Variants in KRIT1 observed in about 807,000 individuals in gnomAD.
KRIT1 encodes the protein krev interaction trapped protein 1.
A neutral mutation model predicts 95.8 loss-of-function variants in KRIT1; 45 were observed. The observed-to-expected ratio is 0.47, with a 90% CI of 0.37 to 0.60. KRIT1 has a LOEUF of 0.60. KRIT1 is among the 20% of genes least tolerant of loss of function. The pLI is 0.00. For missense variants in KRIT1, 788 were observed against 877.5 expected, an observed-to-expected ratio of 0.90 and a Z score of 1.29; for synonymous variants, 282 against 278.8, an observed-to-expected ratio of 1.01 and a Z score of -0.11.
At chr7:92,243,629 AAAT>A (rs1391381561) in intron 3 of KRIT1, among the ~76,000 whole-genome samples, 1 of 152,172 alleles carries the variant, frequency 6.6e-6, no homozygotes, top group Non-Finnish European at 1.5e-5. Flanking sequence ...TCACTTCCCT[AAAT>A]AATAATTAAA....
intron 4 of KRIT1, 106 bp downstream of exon 4, chr7:92,241,928 T>C (rs1046640704): frequency 9.9e-6 from 7 of 705,008 alleles, no homozygotes; most frequent in African/African-American, 3.6e-5. Context: ...CCTAAAATAA[T>C]TGGCTTGTTA....
Position 92,200,516 on chromosome 7 carries a change from G to A in KRIT1, c.*220C>T, listed in dbSNP as rs181340604. On this transcript the variant is annotated 3_prime_UTR_variant, in exon 19 of 19. Coordinates refer to ENST00000394505, the MANE Select transcript of KRIT1 (RefSeq NM_194454.3). ...TTATAGGCGCCCGCCACCACACCCA[G>A]CTAATTTTTGTATTTTTGTAGAGAC... 6.0e-6 allele frequency: 3 copies of A among 500,598 alleles called. No homozygotes were observed. Among genetic ancestry groups the A allele is most frequent in the East Asian group, 7.7e-5 (2 of 26,060 alleles). The allele number at this position is 500,598 out of a possible 1,614,324, so 31.0% of individuals were successfully genotyped here.
Position 92,200,786 on chromosome 7 carries a change from G to T in KRIT1, c.2161C>A (p.Leu721Met). 1 of 1,606,414 alleles carries T rather than the reference G, an allele frequency of 6.2e-7. No individual in the cohort carries two copies. The highest frequency in any genetic ancestry group is 8.5e-7 in the Non-Finnish European group (1 of 1,173,132). The change falls in exon 19 of 19, where the codon CTG becomes ATG. Residue 721 changes from leucine (L) to methionine (M), a missense_variant. Transcript: ENST00000394505. ...AACTGTCCATTTAGCTTCATTAACA[G>T]TTTTACCACGAGACCAGCCTACAAA... ...HTKQAGLVVKLLMKLNGQLMP... is the reference protein window; with the variant it reads ...HTKQAGLVVKMLMKLNGQLMP...
chr7:92,225,398 C>G (rs887936823), intron 12 of KRIT1, among the ~76,000 whole-genome samples: 1 of 152,158 alleles, frequency 6.6e-6, no homozygotes, highest in African/African-American at 2.4e-5. Flanking sequence ...ACCTCCACCT[C>G]CTGGGTTCAA....
At chr7:92,239,564 C>T (rs1238310708) in intron 5 of KRIT1, among the ~76,000 whole-genome samples, 1 of 151,940 alleles carries the variant, frequency 6.6e-6, no homozygotes, top group Non-Finnish European at 1.5e-5. Context: ...GCCTTGATTC[C>T]CAAAAAAGGA....
chr7:92,233,827 TAAC>T (rs2131632802), intron 10 of KRIT1, among the ~76,000 whole-genome samples: 1 of 152,292 alleles, frequency 6.6e-6, no homozygotes, highest in Admixed American at 6.5e-5. Context: ...AGTAAACAGT[TAAC>T]TACTACTCTA....
intron 17 of KRIT1, among the ~76,000 whole-genome samples, chr7:92,212,916 G>C (rs1407292051): frequency 6.6e-6 from 1 of 152,118 alleles, no homozygotes; most frequent in African/African-American, 2.4e-5. Flanking sequence ...ATTACATATT[G>C]TTCAGCACCT....
chr7:92,221,069 C>CA (rs1260459600), intron 14 of KRIT1, among the ~76,000 whole-genome samples: 5 of 152,166 alleles, frequency 3.3e-5, no homozygotes, highest in Non-Finnish European at 7.4e-5. Flanking sequence ...CTTGTCTAGA[C>CA]AGACTTCTTT....
Position 92,235,026 on chromosome 7 carries a change from G to A in KRIT1, c.730-103C>T, listed in dbSNP as rs553625991. On this transcript the variant is annotated intron_variant, in intron 8 of 18. Transcript: ENST00000394505. ...TTACTTATTTATTTATTGAGAATGA[G>A]TCTTGCTCTGTTGCCCAGGCTGGAG... The A allele has an allele frequency of 2.3e-5, 16 of 695,124 alleles. 1 individual carries two copies. The East Asian group carries it at 2.5e-4, about 11-fold the overall frequency. The allele number at this position is 695,124 out of a possible 1,614,324, so 43.1% of individuals were successfully genotyped here.
At chr7:92,243,598 T>C (rs1206360652) in intron 3 of KRIT1, among the ~76,000 whole-genome samples, 1 of 152,174 alleles carries the variant, frequency 6.6e-6, no homozygotes, top group African/African-American at 2.4e-5. Context: ...CAACTGAAAA[T>C]GTCACTCTGT....
intron 14 of KRIT1, among the ~76,000 whole-genome samples, chr7:92,218,793 T>C (rs1226938126): frequency 1.3e-5 from 2 of 152,194 alleles, no homozygotes; most frequent in Non-Finnish European, 2.9e-5. Flanking sequence ...TCTGTTGCTT[T>C]TCACTTTCTT....
rs948191607 is a variant in KRIT1 at position 92,210,213 on chromosome 7, A to G, written c.2025+2982T>C. 3.9e-5 allele frequency among the ~76,000 whole-genome samples: 6 copies of G among 152,224 alleles called. No individual in the cohort carries two copies. The East Asian group carries it at 9.6e-4, about 24-fold the overall frequency. ...ATTCTAAAATTCATTTGGAATAACA[A>G]AAGATTCCAAATAGCCAAACCAATA... is the stretch of plus-strand genomic sequence containing the variant. On this transcript the variant is annotated intron_variant, in intron 17 of 18. Transcript: ENST00000394505.
chr7:92,225,236 T>C (rs1451595691), intron 12 of KRIT1, among the ~76,000 whole-genome samples: 2 of 152,210 alleles, frequency 1.3e-5, no homozygotes, highest in African/African-American at 2.4e-5. Flanking sequence ...TATTTACTTA[T>C]TTTTGCAAGT....
At chr7:92,222,167 T>G in intron 13 of KRIT1, 114 bp from the exon 14 acceptor site, 1 of 773,868 alleles carries the variant, frequency 1.3e-6, no homozygotes, top group Non-Finnish European at 2.2e-6. Context: ...ACAAATTAAA[T>G]TTAAATCTAA....
Position 92,235,062 on chromosome 7 carries a change from C to T in KRIT1, c.730-139G>A, listed in dbSNP as rs1253303385. ...TTGCCCAGGCTGGAGTTCAGTGCTG[C>T]GATCTCAGCACACTGCAACCTCCGC... On this transcript the variant is annotated intron_variant, in intron 8 of 18. Transcript: ENST00000394505. 82 of 656,666 alleles carry T rather than the reference C, an allele frequency of 1.2e-4. No individual in the cohort carries two copies. In the South Asian group the frequency reaches 1.3e-3, roughly 10 times the overall value. The allele number at this position is 656,666 out of a possible 1,614,324, so 40.7% of individuals were successfully genotyped here.
intron 10 of KRIT1, among the ~76,000 whole-genome samples, chr7:92,229,291 T>C (rs1796816691): frequency 6.6e-6 from 1 of 152,154 alleles, no homozygotes; most frequent in Non-Finnish European, 1.5e-5. Flanking sequence ...TTCTGACTGG[T>C]GTGAGATGGT....
intron 11 of KRIT1, among the ~76,000 whole-genome samples, chr7:92,226,086 T>C (rs1255608076): frequency 6.6e-6 from 1 of 152,212 alleles, no homozygotes; most frequent in African/African-American, 2.4e-5. Context: ...AATACTATTA[T>C]TTTCCTCTTT....
chr7:92,234,385 G>T, intron 10 of KRIT1, 64 bp downstream of exon 10: 1 of 1,220,506 alleles, frequency 8.2e-7, no homozygotes, highest in Non-Finnish European at 1.2e-6. Flanking sequence ...TTGAAAAGAA[G>T]GACTAACATT....
Position 92,235,589 on chromosome 7 carries a change from A to C in KRIT1, c.543T>G (p.Ser181=). ...SHFIPALFRP[S]PLERIKTNVI... Reference sequence around the variant, plus strand: ...CATTAGTTTTTATCCGCTCAAGAGGAGAAGGTCGGAATAAAGCTGGAATAA... The same window carrying C: ...CATTAGTTTTTATCCGCTCAAGAGGCGAAGGTCGGAATAAAGCTGGAATAA... The change falls in exon 8 of 19, where the codon TCT becomes TCG. Residue 181 remains serine (S), a synonymous_variant. Transcript: ENST00000394505. The C allele has an allele frequency of 6.2e-7, 1 of 1,613,852 alleles. No homozygotes were observed. The highest frequency in any genetic ancestry group is 8.5e-7 in the Non-Finnish European group (1 of 1,179,834).
Sources: allele counts gnomAD v4.1 joint callset (sites outside exome capture counted in the v4.1 genomes callset), GRCh38; gene constraint gnomAD v4.1.1; transcripts MANE v1.5; gene names NCBI Gene and HGNC (gene_info 2026-07-23, HGNC 2026-07-21).